PDE1C: variants seen among roughly 807,000 people sequenced by gnomAD.
PDE1C encodes phosphodiesterase 1C.
Under a neutral mutation model 93.1 loss-of-function variants are expected in PDE1C, and 62 were observed. The observed-to-expected ratio is 0.67, with a 90% CI of 0.54 to 0.82. The LOEUF (loss-of-function observed/expected upper bound fraction) is 0.82. PDE1C is among the 40% of genes least tolerant of loss of function. The pLI is 0.00. For synonymous variants in PDE1C, 325 were observed against 310.1 expected (o/e 1.05, Z -0.50); for missense variants, 742 against 884.6 (o/e 0.84, Z 2.04).
chr7:31,683,132 G>T, the PDE1C span, among the ~76,000 whole-genome samples: 3 of 152,308 alleles, frequency 2.0e-5, no homozygotes, highest in South Asian at 6.2e-4. Context: ...CACAGACAGA[G>T]TTGGGGAAAT....
intron 17 of PDE1C, among the ~76,000 whole-genome samples, chr7:31,762,263 C>T (rs145798577): frequency 2.0e-4 from 31 of 152,264 alleles, no homozygotes; most frequent in African/African-American, 6.5e-4. Flanking sequence ...GATGTAGTGT[C>T]GTCTAAGGTG....
intron 1 of PDE1C, among the ~76,000 whole-genome samples, chr7:32,306,006 C>T (rs960193093): frequency 7.2e-5 from 11 of 152,252 alleles, no homozygotes; most frequent in Middle Eastern, 3.4e-3. Flanking sequence ...ATCATAGGGG[C>T]GGTTTCCCCC....
At chr7:31,829,661 G>T (rs1790130526) in intron 11 of PDE1C, among the ~76,000 whole-genome samples, 1 of 152,112 alleles carries the variant, frequency 6.6e-6, no homozygotes, top group African/African-American at 2.4e-5. Context: ...AAGGGTCTCA[G>T]GAATAGTCCC....
At chr7:32,357,414 T>G (rs215694) in intron 1 of PDE1C, among the ~76,000 whole-genome samples, 75,154 of 152,060 alleles carry the variant, frequency 0.49, 21,811 homozygotes, top group Admixed American at 0.66. Context: ...AAAACACATT[T>G]GAATTTAAAT....
intron 1 of PDE1C, among the ~76,000 whole-genome samples, chr7:32,354,774 C>G (rs148480515): frequency 6.6e-6 from 1 of 152,280 alleles, no homozygotes; most frequent in Non-Finnish European, 1.5e-5. Context: ...GTGCAGAAGC[C>G]TCCTCAACCC....
At chr7:31,980,271 T>C (rs1228808785) in intron 2 of PDE1C, among the ~76,000 whole-genome samples, 2 of 152,194 alleles carry the variant, frequency 1.3e-5, no homozygotes, top group East Asian at 1.9e-4. Context: ...GATTAATAAT[T>C]CAGGAAGTAA....
intron 2 of PDE1C, among the ~76,000 whole-genome samples, chr7:31,905,471 G>A (rs1800478317): frequency 6.6e-6 from 1 of 152,094 alleles, no homozygotes; most frequent in Admixed American, 6.6e-5. Context: ...TAAAGAATCA[G>A]TAAAATAAAT....
intron 1 of PDE1C, among the ~76,000 whole-genome samples, chr7:32,221,867 C>T (rs1398483314): frequency 6.6e-6 from 1 of 152,172 alleles, no homozygotes; most frequent in Non-Finnish European, 1.5e-5. Context: ...TCACCCCTCT[C>T]AACTGGCATT....
At chr7:32,366,912 C>G (rs1319051267) in intron 1 of PDE1C, among the ~76,000 whole-genome samples, 1 of 150,878 alleles carries the variant, frequency 6.6e-6, no homozygotes, top group South Asian at 2.1e-4. Flanking sequence ...GCCTGTAGTC[C>G]CAGCTACTTG....
intron 2 of PDE1C, among the ~76,000 whole-genome samples, chr7:32,178,729 A>C (rs139565218): frequency 6.6e-6 from 1 of 151,776 alleles, no homozygotes; most frequent in Non-Finnish European, 1.5e-5. Context: ...TGCCTATTAC[A>C]TTCTCCTTTC....
chr7:32,155,003 G>A (rs533642325), intron 3 of PDE1C, among the ~76,000 whole-genome samples: 3 of 152,382 alleles, frequency 2.0e-5, no homozygotes, highest in Admixed American at 6.5e-5. Flanking sequence ...GTGCTGCAGT[G>A]AGAGTCCACA....
At chr7:32,039,316 T>C (rs1412401825) in intron 2 of PDE1C, among the ~76,000 whole-genome samples, 3 of 152,168 alleles carry the variant, frequency 2.0e-5, no homozygotes, top group Non-Finnish European at 4.4e-5. Flanking sequence ...TTATCAAAGA[T>C]GTAGGATTAT....
At chr7:32,309,357 C>T (rs1469959284) in intron 1 of PDE1C, among the ~76,000 whole-genome samples, 2 of 152,150 alleles carry the variant, frequency 1.3e-5, no homozygotes, top group African/African-American at 4.8e-5. Flanking sequence ...TTCCCCAGTC[C>T]AGCAAGGCAG....
intron 3 of PDE1C, among the ~76,000 whole-genome samples, chr7:32,148,639 A>G (rs1030594668): frequency 6.6e-6 from 1 of 152,212 alleles, no homozygotes; most frequent in Non-Finnish European, 1.5e-5. Context: ...TCCACATGTA[A>G]CTAATGGCTA....
intron 2 of PDE1C, among the ~76,000 whole-genome samples, chr7:32,018,285 C>A (rs1450978492): frequency 6.6e-6 from 1 of 151,852 alleles, no homozygotes; most frequent in Non-Finnish European, 1.5e-5. Context: ...ACAGAGTTAC[C>A]ACATGACCCA....
chr7:32,350,350 A>G (rs1386160527), intron 1 of PDE1C, among the ~76,000 whole-genome samples: 2 of 152,154 alleles, frequency 1.3e-5, no homozygotes, highest in African/African-American at 2.4e-5. Flanking sequence ...ATGTATGTAG[A>G]ACATAAAGGG....
At chr7:31,755,289 T>A (rs552626240) in intron 17 of PDE1C, among the ~76,000 whole-genome samples, 2 of 152,184 alleles carry the variant, frequency 1.3e-5, no homozygotes, top group East Asian at 1.9e-4. Context: ...TGATTATATA[T>A]AAAATACTTA....
At chr7:31,714,042 T>G in the PDE1C span, among the ~76,000 whole-genome samples, 1 of 152,246 alleles carries the variant, frequency 6.6e-6, no homozygotes. Flanking sequence ...TTTCTGCAGC[T>G]GGCTTGAATT....
chr7:31,784,902 T>C (rs1783762555), intron 16 of PDE1C: 1 of 152,154 alleles, frequency 6.6e-6, no homozygotes, highest in Non-Finnish European at 1.5e-5. Context: ...TATATATTAA[T>C]ATAATATGTG....
Sources: gnomAD v4.1 joint callset for allele counts (sites outside exome capture counted in the v4.1 genomes callset) on GRCh38, gnomAD v4.1.1 for gene constraint, MANE v1.5 for transcripts, NCBI Gene and HGNC (gene_info 2026-07-23, HGNC 2026-07-21) for gene names.